The following CSMD3 variants were observed in gnomAD, a reference collection of about 807,000 sequenced individuals.
The protein encoded by CSMD3 is CUB and Sushi multiple domains 3.
CSMD3 carries 177 observed loss-of-function variants against 435.2 expected under a neutral mutation model. The observed-to-expected ratio is 0.41, with a 90% CI of 0.36 to 0.46. CSMD3 has a LOEUF of 0.46. Among genes scored for constraint, CSMD3 ranks in the 20% least tolerant of loss-of-function variants. The pLI is 0.34. For missense variants in CSMD3, 4,265 were observed against 4,504.6 expected (o/e 0.95, Z 1.52); for synonymous variants, 1,656 against 1,520.5 (o/e 1.09, Z -2.07).
In CSMD3 at chr8:113,363,345, TC is replaced by T. The variant is rs144408022; in HGVS notation, c.179-48553del. On this transcript the variant is annotated intron_variant, in intron 1 of 70. Transcript: ENST00000297405. The stretch of plus-strand genomic sequence containing the variant: ...ATGTTTTGTAAATAATTTCTCTCAT[TC>T]CATGGCTTGTGCTTTAATTCTTTTA... Among the ~76,000 whole-genome samples the T allele has an allele frequency of 4.8e-3, 734 of 152,308 alleles. 12 individuals are homozygous for T. Among genetic ancestry groups the T allele is most frequent in the African/African-American group, 0.017 (707 of 41,580 alleles).
chr8:112,267,876 A>T (rs369524137), intron 59 of CSMD3, among the ~76,000 whole-genome samples: 30 of 152,284 alleles, frequency 2.0e-4, no homozygotes, highest in African/African-American at 7.2e-4. Context: ...CAGTCTTTGT[A>T]AACAGCACCT....
rs546995678 is a variant in CSMD3, at chr8:112,910,644, A to C, written c.1633+10983T>G. ...CCTGTATTTTCAACTTCTCTCAAGC[A>C]TTGTATCTTTGTCCTCATTACTTCA... On this transcript the variant is annotated intron_variant, in intron 10 of 70. Transcript: ENST00000297405. 2.6e-5 allele frequency among the ~76,000 whole-genome samples: 4 copies of C among 151,062 alleles called. No individual in the cohort carries two copies. The South Asian group carries it at 8.3e-4, about 31-fold the overall frequency.
intron 27 of CSMD3, among the ~76,000 whole-genome samples, chr8:112,523,724 A>ATT (rs1490440718): frequency 6.6e-6 from 1 of 152,044 alleles, no homozygotes; most frequent in Non-Finnish European, 1.5e-5. Context: ...TTTGCCCTTG[A>ATT]TTGAGCCCTT....
chr8:112,920,150 A>C (rs1007003232), intron 10 of CSMD3, among the ~76,000 whole-genome samples: 3 of 151,962 alleles, frequency 2.0e-5, no homozygotes, highest in Admixed American at 1.3e-4. Flanking sequence ...AGAAAGAAGG[A>C]GGCTTATTTA....
intron 32 of CSMD3, among the ~76,000 whole-genome samples, chr8:112,455,348 A>G (rs1051913948): frequency 6.6e-6 from 1 of 152,144 alleles, no homozygotes; most frequent in Non-Finnish European, 1.5e-5. Context: ...GAGAAAACCA[A>G]ATACCACATG....
At chr8:113,371,772 T>C (rs772057995) in intron 1 of CSMD3, among the ~76,000 whole-genome samples, 8 of 151,934 alleles carry the variant, frequency 5.3e-5, no homozygotes, top group Middle Eastern at 3.4e-3. Context: ...CACACTCAGA[T>C]TCCTAAGAGA....
chr8:113,234,079 C>CA (rs1563581825), intron 3 of CSMD3, among the ~76,000 whole-genome samples: 1 of 152,034 alleles, frequency 6.6e-6, no homozygotes, highest in Non-Finnish European at 1.5e-5. Context: ...TCTGTTACTA[C>CA]AAAAAATATC....
intron 8 of CSMD3, among the ~76,000 whole-genome samples, chr8:112,951,794 C>T (rs988770444): frequency 1.3e-5 from 2 of 151,522 alleles, no homozygotes; most frequent in African/African-American, 4.8e-5. Context: ...AGAAAGAAAA[C>T]ACAATCATTT....
chr8:112,589,571 T>G (rs1429082835), intron 22 of CSMD3, among the ~76,000 whole-genome samples: 1 of 152,178 alleles, frequency 6.6e-6, no homozygotes, highest in African/African-American at 2.4e-5. Flanking sequence ...TATCATAACT[T>G]CAAGATTTTC....
At chr8:113,261,291 C>T (rs1316685919) in intron 3 of CSMD3, among the ~76,000 whole-genome samples, 2 of 152,044 alleles carry the variant, frequency 1.3e-5, no homozygotes, top group Admixed American at 6.6e-5. Context: ...ATAATGTCTG[C>T]ACAAAATGTT....
At chr8:113,039,453 G>C (rs1036301586) in intron 5 of CSMD3, among the ~76,000 whole-genome samples, 7 of 152,104 alleles carry the variant, frequency 4.6e-5, no homozygotes, top group African/African-American at 4.8e-5. Flanking sequence ...ATTCACAACA[G>C]ACACAATTTA....
chr8:113,091,536 G>T lies in CSMD3; in HGVS notation c.917+7220C>A, dbSNP rs1588055916. Among the ~76,000 whole-genome samples the T allele has an allele frequency of 3.9e-5, 6 of 152,050 alleles. No individual in the cohort carries two copies. In the Middle Eastern group the frequency reaches 0.017, roughly 431 times the overall value. ...TCTAGTAATTTAACAGTTTCTTCTA[G>T]ATTTTCCAATTTATTGGCATATAGT... On this transcript the variant is annotated intron_variant, in intron 5 of 70. Coordinates refer to ENST00000297405, the MANE Select transcript of CSMD3 (RefSeq NM_198123.2).
At chr8:113,350,285 C>T (rs749246854) in intron 1 of CSMD3, among the ~76,000 whole-genome samples, 1 of 151,922 alleles carries the variant, frequency 6.6e-6, no homozygotes, top group African/African-American at 2.4e-5. Context: ...TAATTTCTTG[C>T]CTTGCATTAG....
intron 1 of CSMD3, among the ~76,000 whole-genome samples, chr8:113,417,845 T>C (rs77287352): frequency 0.018 from 2,756 of 151,998 alleles, 95 homozygotes; most frequent in African/African-American, 0.061. Context: ...AAATGATAAA[T>C]TGGAGAATAT....
chr8:113,118,349 A>G (rs758084560), intron 4 of CSMD3, among the ~76,000 whole-genome samples: 2 of 152,222 alleles, frequency 1.3e-5, no homozygotes, highest in Non-Finnish European at 2.9e-5. Flanking sequence ...CAATATGTCC[A>G]TAAAATTTAT....
chr8:112,905,474 T>C (rs2082235678), intron 10 of CSMD3, among the ~76,000 whole-genome samples: 1 of 151,316 alleles, frequency 6.6e-6, no homozygotes, highest in African/African-American at 2.4e-5. Flanking sequence ...AATATCTTTT[T>C]AAGGTTGTTC....
At chr8:112,800,373 GA>G in intron 12 of CSMD3, 99 bp from the exon 13 acceptor site, 11 of 847,058 alleles carry the variant, frequency 1.3e-5, no homozygotes, top group East Asian at 4.9e-5. Context: ...TTCTTTGCTA[GA>G]AAAAAAAGTC....
Position 112,406,598 on chromosome 8 carries a change from C to T in CSMD3, c.5735G>A (p.Gly1912Glu), listed in dbSNP as rs1455358224. ...TGTTTCACACCTAATTGCTATGGAT[C>T]CATGGAGAATATATCCTGGATTACA... ...FDCNPGYILH[G>E]SIAIRCETVP... The change falls in exon 35 of 71, where the codon GGA (glycine) becomes GAA (glutamate). Residue 1912 changes from glycine (G) to glutamate (E), a missense_variant. Gly to Glu is a moderately conservative substitution (Grantham distance 98, BLOSUM62 -2). Around this residue, in one of 3 missense-constraint regions of CSMD3, gnomAD observed 3,255 missense variants for 3,380.2 expected, o/e 0.96. Transcript: ENST00000297405. 1.2e-6 allele frequency: 2 copies of T among 1,612,760 alleles called. No individual in the cohort carries two copies. The highest frequency in any genetic ancestry group is 1.7e-6 in the Non-Finnish European group (2 of 1,179,148).
chr8:113,355,767 C>CAT (rs1186190872), intron 1 of CSMD3, among the ~76,000 whole-genome samples: 86 of 56,620 alleles, frequency 1.5e-3, no homozygotes, highest in African/African-American at 5.0e-3. Flanking sequence ...CACACACACA[C>CAT]GGGGTGTGTG....
Sources: gnomAD v4.1 joint callset for allele counts (sites outside exome capture counted in the v4.1 genomes callset) on GRCh38, gnomAD v4.1.1 for gene constraint, gnomAD v4.1.1 regional missense constraint, MANE v1.5 for transcripts, NCBI Gene and HGNC (gene_info 2026-07-23, HGNC 2026-07-21) for gene names.